POLA2: variants seen among roughly 807,000 people sequenced by gnomAD.
POLA2 encodes the protein DNA polymerase alpha 2, accessory subunit.
Under a neutral mutation model 82.8 loss-of-function variants are expected in POLA2, and 47 were observed. That is an observed-to-expected ratio of 0.57 (90% CI 0.45 to 0.72). The LOEUF (loss-of-function observed/expected upper bound fraction) is 0.72. POLA2 is among the 30% of genes least tolerant of loss of function. POLA2 has a pLI of 0.00. For missense variants in POLA2, 634 were observed against 728.1 expected (o/e 0.87, Z 1.49); for synonymous variants, 287 against 286.8 (o/e 1.00, Z -0.01).
intron 1 of POLA2, among the ~76,000 whole-genome samples, chr11:65,263,827 CAAAA>C (rs772298270): frequency 9.7e-6 from 1 of 103,308 alleles, no homozygotes; most frequent in Non-Finnish European, 2.1e-5. Context: ...GACTCTGTCT[CAAAA>C]AAAAAAAAAA....
chr11:65,281,268 C>A, intron 8 of POLA2, 121 bp downstream of exon 8: 1 of 1,040,890 alleles, frequency 9.6e-7, no homozygotes, highest in Non-Finnish European at 1.4e-6. Context: ...GCAGCTGGAG[C>A]ACATGCCCCA....
intron 11 of POLA2, 117 bp downstream of exon 11, chr11:65,287,957 C>A: frequency 2.9e-6 from 3 of 1,049,540 alleles, no homozygotes; most frequent in Non-Finnish European, 4.1e-6. Flanking sequence ...TCTTTTCATT[C>A]TTAATCTACA....
In POLA2 at chr11:65,288,511, T is replaced by C. The variant is rs2957106; in HGVS notation, c.1132-539T>C. Among the ~76,000 whole-genome samples the C allele has an allele frequency of 4.5e-5, 5 of 110,730 alleles. No homozygotes were observed. The East Asian group carries it at 1.3e-3, about 29-fold the overall frequency. The allele number at this position is 110,730 out of a possible 152,430, so 72.6% of individuals were successfully genotyped here. A position where few individuals can be genotyped will look rare whatever the true frequency, so the allele number is the denominator to read the frequency against. On this transcript the variant is annotated intron_variant, in intron 11 of 17. Coordinates refer to ENST00000265465, the MANE Select transcript of POLA2 (RefSeq NM_002689.4). ...GCATTTTTATTGTTCGTTTGTTTTT[T>C]GTTTTTTTTTTTTTTTTTGGGACAG...
At chr11:65,286,537 G>A (rs573715045) in intron 10 of POLA2, among the ~76,000 whole-genome samples, 5 of 151,982 alleles carry the variant, frequency 3.3e-5, no homozygotes, top group East Asian at 3.9e-4. Context: ...CAGGAGGTAC[G>A]CACCACTCTG....
In POLA2 at chr11:65,262,267, C is replaced by T; in HGVS notation, c.-26C>T. The T allele has an allele frequency of 3.1e-6, 5 of 1,595,078 alleles. No individual in the cohort carries two copies. Among genetic ancestry groups the T allele is most frequent in the Non-Finnish European group, 4.3e-6 (5 of 1,166,606 alleles). ...CGCAGGTCGGAGCTGGGTGGGCCGG[C>T]TCCCCGGCCCCTGGCTTGGGCGACC... On this transcript the variant is annotated 5_prime_UTR_variant, in exon 1 of 18. Transcript: ENST00000265465.
rs138296891 is a variant in POLA2, at chr11:65,272,057, C to A, written c.354+3328C>A. 7.2e-3 allele frequency among the ~76,000 whole-genome samples: 1,095 copies of A among 152,190 alleles called. 14 individuals are homozygous for A. Among genetic ancestry groups the A allele is most frequent in the African/African-American group, 0.025 (1,054 of 41,498 alleles). ...AGGCATGGTGGCTCACACCTGTAAT[C>A]CCAGCACTTTGGGAGGCCGAGGTGG... is the stretch of plus-strand genomic sequence containing the variant. On this transcript the variant is annotated intron_variant, in intron 4 of 17. Coordinates refer to ENST00000265465, the MANE Select transcript of POLA2 (RefSeq NM_002689.4).
In POLA2 at chr11:65,294,626, C is replaced by T. The variant is rs377398033; in HGVS notation, c.1434C>T (p.Phe478=). 3.9e-5 allele frequency: 63 copies of T among 1,613,730 alleles called. No individual in the cohort carries two copies. The highest frequency in any genetic ancestry group is 4.7e-5 in the Non-Finnish European group (56 of 1,179,812). Residue 478 remains phenylalanine (F), a synonymous_variant, in exon 15 of 18, where the codon TTC becomes TTT. Coordinates refer to ENST00000265465, the MANE Select transcript of POLA2 (RefSeq NM_002689.4). The part of the protein sequence containing the change: ...IFGLTSTDLL[F]HLGAEEISSS... ...GCTTGACATCCACAGATCTGCTTTT[C>T]CACCTGGGGGCCGAGGAGATCAGTA...
chr11:65,296,035 C>A, intron 17 of POLA2, 45 bp downstream of exon 17: 2 of 1,612,052 alleles, frequency 1.2e-6, no homozygotes, highest in Non-Finnish European at 1.7e-6. Context: ...AGAACCCAGT[C>A]TTTGACTTTC....
At chr11:65,291,102 C>T (rs1949750645) in intron 13 of POLA2, among the ~76,000 whole-genome samples, 1 of 152,226 alleles carries the variant, frequency 6.6e-6, no homozygotes, top group South Asian at 2.1e-4. Context: ...AATCTGACAT[C>T]CTCCATTCCT....
chr11:65,262,385 C>T lies in POLA2; in HGVS notation c.79+14C>T, dbSNP rs139919533. ...TAATTGAGAAATGTGAGTCCCGCACCCCTCCCGCCCTGCAGCCGTGCTCCA... is the reference window on the plus strand; with the variant it reads ...TAATTGAGAAATGTGAGTCCCGCACTCCTCCCGCCCTGCAGCCGTGCTCCA... On this transcript the variant is annotated intron_variant, in intron 1 of 17. Coordinates refer to ENST00000265465, the MANE Select transcript of POLA2 (RefSeq NM_002689.4). 7.9e-5 allele frequency: 127 copies of T among 1,602,494 alleles called. 1 individual carries two copies. The East Asian group carries it at 2.8e-3, about 35-fold the overall frequency.
downstream of POLA2, among the ~76,000 whole-genome samples, chr11:65,299,496 C>T (rs1376997251): frequency 2.0e-5 from 3 of 152,250 alleles, no homozygotes; most frequent in East Asian, 3.9e-4. Flanking sequence ...AAGAATGCAG[C>T]GAGGGAATTA....
chr11:65,268,962 T>C, intron 4 of POLA2, among the ~76,000 whole-genome samples: 1 of 152,224 alleles, frequency 6.6e-6, no homozygotes. Context: ...TCTATAAACA[T>C]AATTTCTCCA....
intron 2 of POLA2, 98 bp downstream of exon 2, chr11:65,266,804 T>C: frequency 7.7e-7 from 1 of 1,305,362 alleles, no homozygotes. Flanking sequence ...GGCTTTCGAG[T>C]CAGGCCTGGA....
At chr11:65,293,186 G>C (rs1949772765) in intron 13 of POLA2, among the ~76,000 whole-genome samples, 1 of 152,132 alleles carries the variant, frequency 6.6e-6, no homozygotes, top group Non-Finnish European at 1.5e-5. Flanking sequence ...TGTGAGAGGG[G>C]AGGGATGCGA....
At chr11:65,296,948 C>CAAAAA (rs547282942) in intron 17 of POLA2, among the ~76,000 whole-genome samples, 172 bp from the exon 18 acceptor site, 1 of 58,046 alleles carries the variant, frequency 1.7e-5, no homozygotes, top group African/African-American at 5.7e-5. Flanking sequence ...GACTCCATCT[C>CAAAAA]AAAAAAAAAA....
At chr11:65,304,588 C>T (rs1382751743) in intron 8 of POLA2, among the ~76,000 whole-genome samples, 6 of 152,312 alleles carry the variant, frequency 3.9e-5, no homozygotes, top group East Asian at 3.9e-4. Context: ...GAGTTTCCCA[C>T]GGTATCACAA....
At chr11:65,290,114 G>A (rs944570734) in intron 13 of POLA2, among the ~76,000 whole-genome samples, 7 of 152,064 alleles carry the variant, frequency 4.6e-5, no homozygotes, top group Middle Eastern at 3.4e-3. Context: ...CAGGCGTGGC[G>A]GTGGGCACCT....
chr11:65,286,887 A>G (rs532575893), intron 10 of POLA2, among the ~76,000 whole-genome samples: 1 of 152,328 alleles, frequency 6.6e-6, no homozygotes, highest in African/African-American at 2.4e-5. Context: ...ACACGTGGCT[A>G]GAAACCGAGG....
rs1284636881 is a variant in POLA2 at position 65,273,650 on chromosome 11, TC to T, written c.355-2241del. Among the ~76,000 whole-genome samples, 14 of 151,972 alleles carry T rather than the reference TC, an allele frequency of 9.2e-5. No individual in the cohort carries two copies. In the East Asian group the frequency reaches 2.3e-3, roughly 25 times the overall value. ...GAGAAAATGTGTTAAAATTATAAAA[TC>T]TTTTTTTTTTAATTATAAAAAAAAT... On this transcript the variant is annotated intron_variant, in intron 4 of 17. Transcript: ENST00000265465.
Sources: gnomAD v4.1 joint callset for allele counts (sites outside exome capture counted in the v4.1 genomes callset) on GRCh38, gnomAD v4.1.1 for gene constraint, MANE v1.5 for transcripts, NCBI Gene and HGNC (gene_info 2026-07-23, HGNC 2026-07-21) for gene names.